Variants in TRPV1 observed in about 807,000 individuals in gnomAD.
TRPV1 encodes OTRPC1.
A neutral mutation model predicts 82.3 loss-of-function variants in TRPV1; 82 were observed. The observed-to-expected ratio is 1.00, with a 90% CI of 0.83 to 1.20. TRPV1 has a LOEUF of 1.20. Among genes scored for constraint, TRPV1 ranks in the 50% most tolerant of loss-of-function variants. TRPV1 has a pLI of 0.00. For synonymous variants in TRPV1, 515 were observed against 467.7 expected (o/e 1.10, Z -1.30); for missense variants, 1,067 against 1,096.8 (o/e 0.97, Z 0.38).
chr17:3,599,743 C>T (rs887710733), intron 2 of TRPV1, among the ~76,000 whole-genome samples: 3 of 151,968 alleles, frequency 2.0e-5, no homozygotes, highest in African/African-American at 7.3e-5. Flanking sequence ...ATTCTTCTGC[C>T]TCAGCCTCCC....
chr17:3,593,400 G>A (rs1440075263), intron 2 of TRPV1, among the ~76,000 whole-genome samples: 1 of 152,122 alleles, frequency 6.6e-6, no homozygotes, highest in Admixed American at 6.5e-5. Context: ...AGCATGTGTA[G>A]TTGGACACAT....
rs1028214233 is a variant in TRPV1 at position 3,605,925 on chromosome 17, G to C, written c.-34+2502C>G. On this transcript the variant is annotated intron_variant, in intron 2 of 16. Transcript: ENST00000572705. Reference sequence around the variant, plus strand: ...CTGTGGTGACAACCCCCAAATCTCAGTGGCTTCAAACATCAAAGGTTTATT... The same window carrying C: ...CTGTGGTGACAACCCCCAAATCTCACTGGCTTCAAACATCAAAGGTTTATT... Among the ~76,000 whole-genome samples the C allele has an allele frequency of 7.2e-5, 11 of 151,936 alleles. 2 individuals carry two copies. The highest frequency in any genetic ancestry group is 1.9e-4 in the East Asian group (1 of 5,178).
chr17:3,598,663 T>C (rs961847926), intron 2 of TRPV1, among the ~76,000 whole-genome samples: 1 of 150,652 alleles, frequency 6.6e-6, no homozygotes, highest in African/African-American at 2.4e-5. Context: ...CCTCCCAGGT[T>C]CAAGCAATTC....
Position 3,592,058 on chromosome 17 carries a change from C to T in TRPV1, c.284+9G>A, listed in dbSNP as rs114046227. 1,242 of 1,607,268 alleles carry T rather than the reference C, an allele frequency of 7.7e-4. 9 individuals are homozygous for T. The African/African-American group carries it at 0.014, about 18-fold the overall frequency. ...CCAGCAGGGAGGGGGGCTCCAGACGCGGACTTACCTGGCACCGGTGGGGCC... is the reference window on the plus strand; with the variant it reads ...CCAGCAGGGAGGGGGGCTCCAGACGTGGACTTACCTGGCACCGGTGGGGCC... On this transcript the variant is annotated intron_variant, in intron 3 of 16. Transcript: ENST00000572705.
At chr17:3,608,652 T>A (rs1428362775) in intron 1 of TRPV1, 87 bp from the exon 2 acceptor site, 1 of 152,194 alleles carries the variant, frequency 6.6e-6, no homozygotes, top group Non-Finnish European at 1.5e-5. Context: ...TGACCGCAGA[T>A]AACTGAACCC....
rs200408331 is a variant in TRPV1 at position 3,589,936 on chromosome 17, A to G, written c.915T>C (p.Phe305=). 1.9e-6 allele frequency: 3 copies of G among 1,578,336 alleles called. No individual in the cohort carries two copies. The South Asian group carries it at 3.5e-5, about 18-fold the overall frequency. Reference sequence around the variant, plus strand: ...GAATCTCATTGTACATGCTCGTCACAAACTTCGTGTTGTCGGCCGTGTTGT... The same window carrying G: ...GAATCTCATTGTACATGCTCGTCACGAACTTCGTGTTGTCGGCCGTGTTGT... ...VADNTADNTK[F]VTSMYNEILM... is the part of the protein sequence containing the mutation. Residue 305 remains phenylalanine (F), a synonymous_variant, in exon 7 of 17, where the codon TTT becomes TTC. Transcript: ENST00000572705.
Position 3,590,083 on chromosome 17 carries a change from G to A in TRPV1, c.768C>T (p.Ala256=), listed in dbSNP as rs201789915. ...FYFGELPLSL[A]ACTNQLGIVK... is the part of the protein sequence containing the mutation. ...CGATGCCCAGCTGGTTGGTGCACGCGGCCAGGGACAGGGGCAGTTCACCTG... is the reference window on the plus strand; with the variant it reads ...CGATGCCCAGCTGGTTGGTGCACGCAGCCAGGGACAGGGGCAGTTCACCTG... The change falls in exon 7 of 17, where the codon GCC becomes GCT. Residue 256 remains alanine, a synonymous_variant. Transcript: ENST00000572705. 25 of 1,607,100 alleles carry A rather than the reference G, an allele frequency of 1.6e-5. No homozygotes were observed. In the East Asian group the frequency reaches 3.8e-4, roughly 24 times the overall value.
chr17:3,578,259 G>A (rs1286557675), intron 11 of TRPV1: 1 of 153,780 alleles, frequency 6.5e-6, no homozygotes, highest in Non-Finnish European at 1.4e-5. Context: ...AGTGAGCCAA[G>A]ATCATGCCAC....
chr17:3,588,830 AC>A (rs374065709), intron 7 of TRPV1: 94 of 1,331,898 alleles, frequency 7.1e-5, no homozygotes, highest in Middle Eastern at 1.9e-4. Flanking sequence ...AAAAAAAAAA[AC>A]AAAACACACA....
At chr17:3,600,557 C>A (rs562836163) in intron 2 of TRPV1, among the ~76,000 whole-genome samples, 5 of 152,266 alleles carry the variant, frequency 3.3e-5, no homozygotes, top group Admixed American at 3.3e-4. Context: ...CCACTGTACT[C>A]CAGCCCGGGC....
At chr17:3,580,622 T>C (rs1279503906) in intron 10 of TRPV1, 95 bp from the exon 11 acceptor site, 1 of 1,287,278 alleles carries the variant, frequency 7.8e-7, no homozygotes, top group Non-Finnish European at 1.1e-6. Flanking sequence ...CATGATGGGG[T>C]GGTCGAATGT....
chr17:3,572,004 T>A, intron 15 of TRPV1, 118 bp downstream of exon 15: 1 of 1,354,294 alleles, frequency 7.4e-7, no homozygotes, highest in Non-Finnish European at 1.0e-6. Flanking sequence ...ACAGCTGGCA[T>A]TGGGAGAGCC....
At position 3,577,678 on chromosome 17, in the gene TRPV1, G is replaced by A. The variant is rs776814991; in HGVS notation, c.1633C>T (p.Leu545=). The A allele has an allele frequency of 3.1e-6, 5 of 1,588,798 alleles. No homozygotes were observed. The highest frequency in any genetic ancestry group is 4.3e-6 in the Non-Finnish European group (5 of 1,168,064). The change falls in exon 12 of 17, where the codon CTG becomes TTG. Residue 545 remains leucine (L), a synonymous_variant. Coordinates refer to ENST00000572705, the MANE Select transcript of TRPV1 (RefSeq NM_080704.4). ...KEYVASMVFS[L]ALGWTNMLYY... is the part of the protein sequence containing the mutation. Reference sequence around the variant, plus strand: ...AGCATGTTGGTCCAGCCCAAGGCCAGGGAGAATACCATGGAAGCCACATAC... The same window carrying A: ...AGCATGTTGGTCCAGCCCAAGGCCAAGGAGAATACCATGGAAGCCACATAC...
chr17:3,601,668 C>T (rs2075264357), intron 2 of TRPV1: 1 of 151,914 alleles, frequency 6.6e-6, no homozygotes, highest in Admixed American at 6.6e-5. Flanking sequence ...ACAATCATAG[C>T]TCACTGCAGC....
chr17:3,588,292 C>G lies in TRPV1; in HGVS notation c.1120G>C (p.Ala374Pro), dbSNP rs548318024. ...RHLSRKFTEWAYGPVHSSLYD... is the reference protein window; with the variant it reads ...RHLSRKFTEWPYGPVHSSLYD... ...AGCGAGGAGTGCACGGGCCCGTAGGCCCACTCGGTGAACTTCCTGGACAGG... is the reference window on the plus strand; with the variant it reads ...AGCGAGGAGTGCACGGGCCCGTAGGGCCACTCGGTGAACTTCCTGGACAGG... Residue 374 changes from alanine to proline, a missense_variant, in exon 8 of 17, where the codon GCC (alanine) becomes CCC (proline). Transcript: ENST00000572705. 1 of 1,575,826 alleles carries G rather than the reference C, an allele frequency of 6.3e-7. No individual in the cohort carries two copies. The highest frequency in any genetic ancestry group is 2.4e-5 in the East Asian group (1 of 42,388).
At chr17:3,578,916 A>C (rs2074970185) in intron 11 of TRPV1, 1 of 152,220 alleles carries the variant, frequency 6.6e-6, no homozygotes, top group Admixed American at 6.5e-5. Flanking sequence ...TAAGCAAATT[A>C]ACACAGAAAC....
At chr17:3,597,340 G>A (rs901733784) in intron 2 of TRPV1, among the ~76,000 whole-genome samples, 4 of 152,170 alleles carry the variant, frequency 2.6e-5, no homozygotes, top group Non-Finnish European at 5.9e-5. Context: ...TCCTGCCCCC[G>A]GAGGTCTGGG....
chr17:3,598,528 C>T (rs1333730666), intron 2 of TRPV1, among the ~76,000 whole-genome samples: 2 of 151,398 alleles, frequency 1.3e-5, no homozygotes, highest in Admixed American at 1.3e-4. Flanking sequence ...GCCCATCCCA[C>T]CACGCCACAC....
At chr17:3,595,075 AC>A (rs2075206592) in intron 2 of TRPV1, among the ~76,000 whole-genome samples, 1 of 152,008 alleles carries the variant, frequency 6.6e-6, no homozygotes, top group Admixed American at 6.6e-5. Context: ...TGAAGATAAC[AC>A]CCCGTCAAGG....
Sources: gnomAD v4.1 joint callset for allele counts (sites outside exome capture counted in the v4.1 genomes callset) on GRCh38, gnomAD v4.1.1 for gene constraint, MANE v1.5 for transcripts, NCBI Gene and HGNC (gene_info 2026-07-23, HGNC 2026-07-21) for gene names.